The following IMMP2L variants were observed in gnomAD, a reference collection of about 807,000 sequenced individuals.
IMMP2L encodes mitochondrial inner membrane protease subunit 2.
IMMP2L carries 18 observed loss-of-function variants against 19.3 expected under a neutral mutation model. The ratio of observed to expected loss-of-function variants is 0.93; its 90% CI spans 0.64 to 1.38. The LOEUF is 1.38. IMMP2L is among the 40% of genes most tolerant of loss of function. IMMP2L has a pLI of 0.00. For missense variants in IMMP2L, 233 were observed against 218.2 expected (o/e 1.07, Z -0.43); for synonymous variants, 76 against 73.0 (o/e 1.04, Z -0.21).
intron 3 of IMMP2L, among the ~76,000 whole-genome samples, chr7:111,236,380 A>C (rs1396532861): frequency 1.3e-5 from 2 of 152,126 alleles, no homozygotes; most frequent in African/African-American, 4.8e-5. Flanking sequence ...CAAAACTGGC[A>C]CAGCCTTTAA....
intron 3 of IMMP2L, among the ~76,000 whole-genome samples, chr7:111,280,216 T>C (rs1819538561): frequency 6.6e-6 from 1 of 152,146 alleles, no homozygotes; most frequent in African/African-American, 2.4e-5. Context: ...CTTTCTGTTT[T>C]ACAAGCATGC....
At chr7:110,938,790 G>A (rs1341189552) in intron 4 of IMMP2L, among the ~76,000 whole-genome samples, 9 of 152,038 alleles carry the variant, frequency 5.9e-5, no homozygotes, top group African/African-American at 9.7e-5. Context: ...GAAGAATATC[G>A]TTAAATGTAA....
chr7:111,488,752 G>C (rs919012364), intron 2 of IMMP2L, among the ~76,000 whole-genome samples: 3 of 152,018 alleles, frequency 2.0e-5, no homozygotes, highest in Non-Finnish European at 4.4e-5. Flanking sequence ...ACGGTTGATC[G>C]ACTTTAGTTA....
intron 1 of IMMP2L, among the ~76,000 whole-genome samples, chr7:111,542,330 T>G (rs963996206): frequency 6.6e-6 from 1 of 152,146 alleles, no homozygotes; most frequent in Admixed American, 6.6e-5. Flanking sequence ...ACACTTTGTG[T>G]TGATTAAAAT....
At chr7:110,825,604 T>C (rs1290011331) in intron 5 of IMMP2L, among the ~76,000 whole-genome samples, 1 of 152,140 alleles carries the variant, frequency 6.6e-6, no homozygotes, top group East Asian at 1.9e-4. Context: ...CCCTATTTAA[T>C]AAATGGTGCT....
At chr7:111,307,582 AC>A (rs1206370093) in intron 3 of IMMP2L, among the ~76,000 whole-genome samples, 13 of 151,802 alleles carry the variant, frequency 8.6e-5, no homozygotes, top group Admixed American at 2.0e-4. Context: ...AAAACAATAT[AC>A]CATTATAAAA....
At chr7:111,080,753 A>G (rs1795823982) in intron 3 of IMMP2L, among the ~76,000 whole-genome samples, 1 of 152,134 alleles carries the variant, frequency 6.6e-6, no homozygotes, top group Non-Finnish European at 1.5e-5. Context: ...CCTCTTACTA[A>G]ATGCTTACTA....
chr7:110,991,208 G>A (rs1486864268), intron 3 of IMMP2L, among the ~76,000 whole-genome samples: 2 of 151,986 alleles, frequency 1.3e-5, no homozygotes, highest in African/African-American at 4.8e-5. Context: ...GCATCTCTGA[G>A]GTCAAAAATG....
chr7:111,230,168 C>A lies in IMMP2L; in HGVS notation c.239+257070G>T, dbSNP rs184726279. On this transcript the variant is annotated intron_variant, in intron 3 of 5. Coordinates refer to ENST00000405709, the MANE Select transcript of IMMP2L (RefSeq NM_032549.4). ...GATGGCATAGAAAAAGAAATGCGTG[C>A]CTAGGGCATTTGTTTTAATCATGAA... Among the ~76,000 whole-genome samples the A allele has an allele frequency of 1.3e-4, 20 of 152,096 alleles. No individual in the cohort carries two copies. The East Asian group carries it at 3.7e-3, about 28-fold the overall frequency.
chr7:111,063,984 T>C (rs1351491043), intron 3 of IMMP2L, among the ~76,000 whole-genome samples: 1 of 152,196 alleles, frequency 6.6e-6, no homozygotes, highest in Non-Finnish European at 1.5e-5. Context: ...GTCGCTTCCA[T>C]ATTTTCTAGT....
At chr7:110,677,899 G>C (rs1351363373) in intron 5 of IMMP2L, among the ~76,000 whole-genome samples, 1 of 152,100 alleles carries the variant, frequency 6.6e-6, no homozygotes, top group Non-Finnish European at 1.5e-5. Context: ...TGTGGGAAAT[G>C]AGCTACTGAG....
intron 5 of IMMP2L, among the ~76,000 whole-genome samples, chr7:110,673,919 C>A (rs762938570): frequency 1.3e-5 from 2 of 152,140 alleles, no homozygotes; most frequent in Admixed American, 1.3e-4. Context: ...TTTTCTGATC[C>A]CTCCAAACTG....
chr7:111,220,575 ATGAT>A (rs1239750113), intron 3 of IMMP2L, among the ~76,000 whole-genome samples: 1 of 126,070 alleles, frequency 7.9e-6, no homozygotes, highest in Non-Finnish European at 1.7e-5. Context: ...CCAGAGAAAC[ATGAT>A]GGATGGATGG....
intron 3 of IMMP2L, among the ~76,000 whole-genome samples, chr7:111,389,065 G>A (rs1468204359): frequency 1.3e-5 from 2 of 152,130 alleles, no homozygotes; most frequent in East Asian, 1.9e-4. Context: ...CTTTGGTAGC[G>A]CCAGGGCTGG....
At chr7:111,234,162 A>C (rs532226197) in intron 3 of IMMP2L, among the ~76,000 whole-genome samples, 2 of 152,076 alleles carry the variant, frequency 1.3e-5, no homozygotes, top group African/African-American at 2.4e-5. Flanking sequence ...TTCTTCTTTT[A>C]TTTCTTTCTT....
intron 3 of IMMP2L, among the ~76,000 whole-genome samples, chr7:111,403,599 G>T (rs1207483259): frequency 6.6e-6 from 1 of 151,904 alleles, no homozygotes; most frequent in African/African-American, 2.4e-5. Context: ...TGTTTAAAGG[G>T]GGTCAATAAA....
intron 3 of IMMP2L, among the ~76,000 whole-genome samples, chr7:111,011,705 G>A (rs533217392): frequency 2.0e-5 from 3 of 152,278 alleles, no homozygotes; most frequent in Admixed American, 2.0e-4. Context: ...TGACAAGAGT[G>A]TCAGTGAGTG....
intron 3 of IMMP2L, among the ~76,000 whole-genome samples, chr7:111,283,787 C>T (rs933362351): frequency 2.0e-5 from 3 of 151,102 alleles, no homozygotes; most frequent in Admixed American, 6.6e-5. Context: ...CCGGCTAAAA[C>T]GGTGAAACCC....
chr7:111,434,535 G>GT (rs1222009725), intron 3 of IMMP2L, among the ~76,000 whole-genome samples: 1 of 151,062 alleles, frequency 6.6e-6, no homozygotes, highest in African/African-American at 2.4e-5. Flanking sequence ...TGTCTTGTTT[G>GT]TTTTTTGTTT....
Sources: allele counts gnomAD v4.1 joint callset (sites outside exome capture counted in the v4.1 genomes callset), GRCh38; gene constraint gnomAD v4.1.1; transcripts MANE v1.5; gene names NCBI Gene and HGNC (gene_info 2026-07-23, HGNC 2026-07-21).